COL22A1: variants seen among roughly 807,000 people sequenced by gnomAD.
COL22A1 encodes collagen alpha-1(XXII) chain.
Under a neutral mutation model 248.9 loss-of-function variants are expected in COL22A1, and 221 were observed. The ratio of observed to expected loss-of-function variants is 0.89; its 90% CI spans 0.80 to 0.99. The LOEUF (loss-of-function observed/expected upper bound fraction) is 0.99, where lower values mean the gene tolerates loss of function less well. Ranked by LOEUF, COL22A1 falls within the 50% of genes least tolerant of loss-of-function variation. The pLI is 0.00. For missense variants in COL22A1, 2,240 were observed against 2,179.0 expected (o/e 1.03, Z -0.56); for synonymous variants, 891 against 793.4 (o/e 1.12, Z -2.07).
intron 60 of COL22A1, 134 bp downstream of exon 60, chr8:138,601,981 C>T: frequency 2.3e-6 from 2 of 863,012 alleles, no homozygotes; most frequent in Admixed American, 4.3e-5. Context: ...AAAAAGTGAA[C>T]AAAATCACTA....
chr8:138,677,803 A>C (rs929477919), intron 40 of COL22A1, among the ~76,000 whole-genome samples: 1 of 152,232 alleles, frequency 6.6e-6, no homozygotes. Context: ...GGAGGCCATG[A>C]TCCTGAGCTT....
intron 21 of COL22A1, among the ~76,000 whole-genome samples, chr8:138,753,865 C>T (rs1832792262): frequency 6.6e-6 from 1 of 152,220 alleles, no homozygotes; most frequent in African/African-American, 2.4e-5. Context: ...TTAAGCAGAG[C>T]TAGCTATCTT....
chr8:138,785,391 C>T (rs1309279781), intron 12 of COL22A1, among the ~76,000 whole-genome samples: 1 of 151,978 alleles, frequency 6.6e-6, no homozygotes, highest in Non-Finnish European at 1.5e-5. Context: ...CCATGAGACA[C>T]ATCCCTACAA....
At position 138,649,771 on chromosome 8, in the gene COL22A1, C is replaced by T; in HGVS notation, c.3341G>A (p.Cys1114Tyr). The change falls in exon 46 of 65, where the codon TGC becomes TAC. Residue 1114 changes from cysteine (C) to tyrosine (Y), a missense_variant. Cys to Tyr is a radical substitution (Grantham distance 194, BLOSUM62 -2). Coordinates refer to ENST00000303045, the MANE Select transcript of COL22A1 (RefSeq NM_152888.3). ...TGGGGGGCCAGGAGGGCAGTCATTG[C>T]ACACATCCTGAGAGTGGGGAGAGAG... The part of the protein sequence containing the change: ...GDINLLAKDV[C>Y]NDCPPGPPGL... The T allele has an allele frequency of 1.4e-5, 22 of 1,588,612 alleles. No individual in the cohort carries two copies. Among genetic ancestry groups the T allele is most frequent in the Non-Finnish European group, 1.8e-5 (21 of 1,168,460 alleles).
At chr8:138,712,776 C>G (rs1829098163) in intron 30 of COL22A1, among the ~76,000 whole-genome samples, 1 of 31,684 alleles carries the variant, frequency 3.2e-5, no homozygotes, top group Non-Finnish European at 7.6e-5. Flanking sequence ...GCAGAGGGTA[C>G]ATGTTCTATC....
chr8:138,704,058 G>A (rs1828195376), intron 30 of COL22A1, among the ~76,000 whole-genome samples: 1 of 152,214 alleles, frequency 6.6e-6, no homozygotes, highest in Non-Finnish European at 1.5e-5. Flanking sequence ...AAACTGCAAG[G>A]TGGCAGCGAG....
intron 1 of COL22A1, among the ~76,000 whole-genome samples, chr8:138,896,011 G>A (rs535851660): frequency 4.2e-4 from 64 of 152,238 alleles, no homozygotes; most frequent in African/African-American, 1.2e-3. Flanking sequence ...TTCTTCAAGC[G>A]CTGAAAGAGA....
chr8:138,818,068 T>C (rs1818819381), intron 7 of COL22A1, among the ~76,000 whole-genome samples: 1 of 152,222 alleles, frequency 6.6e-6, no homozygotes, highest in South Asian at 2.1e-4. Context: ...CATTGTTGGA[T>C]GTTTGGAACC....
rs141515589 is a variant in COL22A1, at chr8:138,718,409, T to TA, written c.2356-1541dup. On this transcript the variant is annotated intron_variant, in intron 27 of 64. Coordinates refer to ENST00000303045, the MANE Select transcript of COL22A1 (RefSeq NM_152888.3). ...AAAGGATAAGGGGCTGAGTTTGGTT[T>TA]AAAAAAAAAATTGAAGACCATCTGA... 3.2e-3 allele frequency among the ~76,000 whole-genome samples: 475 copies of TA among 150,560 alleles called. 4 individuals are homozygous for TA. The highest frequency in any genetic ancestry group is 0.01 in the Middle Eastern group (3 of 290).
At chr8:138,863,948 C>T (rs1368985894) in intron 3 of COL22A1, among the ~76,000 whole-genome samples, 4 of 152,164 alleles carry the variant, frequency 2.6e-5, no homozygotes, top group African/African-American at 7.2e-5. Context: ...ACATACCTAT[C>T]AGATTTCACA....
At chr8:138,648,298 G>A (rs1587757550) in intron 46 of COL22A1, among the ~76,000 whole-genome samples, 1 of 152,306 alleles carries the variant, frequency 6.6e-6, no homozygotes, top group Middle Eastern at 3.4e-3. Context: ...CGGGGTCTAT[G>A]CTCAAATATC....
intron 27 of COL22A1, among the ~76,000 whole-genome samples, chr8:138,718,308 C>T (rs1395835060): frequency 2.6e-5 from 4 of 152,162 alleles, no homozygotes; most frequent in South Asian, 2.1e-4. Flanking sequence ...TGCAAATACT[C>T]GTCACTCAAA....
intron 37 of COL22A1, among the ~76,000 whole-genome samples, chr8:138,686,834 G>A (rs1313931907): frequency 1.3e-5 from 2 of 152,194 alleles, no homozygotes; most frequent in Non-Finnish European, 2.9e-5. Flanking sequence ...TATAATTAAG[G>A]AATACCAGAT....
chr8:138,900,296 G>A (rs1047897301), intron 1 of COL22A1, among the ~76,000 whole-genome samples: 3 of 152,172 alleles, frequency 2.0e-5, no homozygotes, highest in Non-Finnish European at 4.4e-5. Context: ...CATCAGGAGT[G>A]TTTGGTCCTT....
chr8:138,906,843 C>T (rs188050891), intron 1 of COL22A1, among the ~76,000 whole-genome samples: 9 of 152,102 alleles, frequency 5.9e-5, no homozygotes, highest in East Asian at 3.9e-4. Flanking sequence ...AGTAGAGACA[C>T]GGTTTTGCCA....
At chr8:138,638,601 TG>T (rs2130402589) in intron 47 of COL22A1, among the ~76,000 whole-genome samples, 1 of 152,298 alleles carries the variant, frequency 6.6e-6, no homozygotes, top group South Asian at 2.1e-4. Flanking sequence ...AGCTCATATC[TG>T]TGAAGTGCTA....
intron 12 of COL22A1, among the ~76,000 whole-genome samples, chr8:138,793,660 A>G (rs1381858090): frequency 6.6e-6 from 1 of 152,236 alleles, no homozygotes. Flanking sequence ...GGAGGTCTCC[A>G]TGGCCACAAC....
At chr8:138,742,424 T>C (rs1369664796) in intron 22 of COL22A1, among the ~76,000 whole-genome samples, 2 of 144,448 alleles carry the variant, frequency 1.4e-5, no homozygotes, top group African/African-American at 5.3e-5. Flanking sequence ...GATGGTGGAG[T>C]TGATGGTGAT....
chr8:138,908,852 A>T (rs1231524971), intron 1 of COL22A1, among the ~76,000 whole-genome samples: 1 of 152,194 alleles, frequency 6.6e-6, no homozygotes, highest in East Asian at 1.9e-4. Flanking sequence ...AGTGGCAGAG[A>T]GAGTGCTTTC....
Sources: allele counts gnomAD v4.1 joint callset (sites outside exome capture counted in the v4.1 genomes callset), GRCh38; gene constraint gnomAD v4.1.1; transcripts MANE v1.5; gene names NCBI Gene and HGNC (gene_info 2026-07-23, HGNC 2026-07-21).